The following AK8 variants were observed in gnomAD, a reference collection of about 807,000 sequenced individuals.
AK8 encodes the protein adenylate kinase 8, also known as ATP-AMP transphosphorylase 8.
AK8 carries 44 observed loss-of-function variants against 54.6 expected under a neutral mutation model. That is an observed-to-expected ratio of 0.81 (90% confidence interval 0.63 to 1.04). The LOEUF is 1.04. Among genes scored for constraint, AK8 ranks in the 50% least tolerant of loss-of-function variants. AK8 has a pLI of 0.00. For synonymous variants in AK8, 239 were observed against 245.6 expected, an observed-to-expected ratio of 0.97 and a Z score of 0.25; for missense variants, 555 against 613.6, an observed-to-expected ratio of 0.90 and a Z score of 1.01.
At chr9:132,732,468 G>A (rs780665763) in intron 11 of AK8, among the ~76,000 whole-genome samples, 4 of 152,172 alleles carry the variant, frequency 2.6e-5, no homozygotes, top group African/African-American at 9.6e-5. Context: ...GGCTGGGCCT[G>A]AGGGAGGCCC....
At chr9:132,847,919 C>T (rs1352741538) in intron 5 of AK8, among the ~76,000 whole-genome samples, 2 of 151,802 alleles carry the variant, frequency 1.3e-5, no homozygotes, top group Admixed American at 6.6e-5. Context: ...TAAGATCAGC[C>T]TGGGCAACAT....
chr9:132,761,308 C>G (rs1430564092), intron 11 of AK8, among the ~76,000 whole-genome samples: 3 of 149,010 alleles, frequency 2.0e-5, no homozygotes, highest in Admixed American at 6.7e-5. Context: ...ACTCAGTCAC[C>G]CAGGCTGGAG....
At chr9:132,804,214 C>T (rs1407244077) in intron 10 of AK8, among the ~76,000 whole-genome samples, 2 of 152,204 alleles carry the variant, frequency 1.3e-5, no homozygotes, top group African/African-American at 2.4e-5. Context: ...AGCATCTGGG[C>T]CCTGGGATTG....
In AK8 at chr9:132,750,761, T is replaced by TAACGTCAGGCTGCATCC. The variant is rs1461669837; in HGVS notation, c.1122-23244_1122-23228dup. 2.0e-5 allele frequency among the ~76,000 whole-genome samples: 3 copies of TAACGTCAGGCTGCATCC among 152,076 alleles called. No homozygotes were observed. In the East Asian group the frequency reaches 5.8e-4, roughly 29 times the overall value. On this transcript the variant is annotated intron_variant, in intron 11 of 12. Coordinates refer to ENST00000298545, the MANE Select transcript of AK8 (RefSeq NM_152572.3). Reference sequence around the variant, plus strand: ...CTCCCTCCCCTCCCAAATCTGCACCTAACGTCAGGCTGCATCCAGAGATAC... The same window carrying TAACGTCAGGCTGCATCC: ...CTCCCTCCCCTCCCAAATCTGCACCTAACGTCAGGCTGCATCCAACGTCAGGCTGCATCCAGAGATAC...
In AK8 at chr9:132,770,140, G is replaced by C. The variant is rs1453150071; in HGVS notation, c.1121+22494C>G. The C allele has an allele frequency of 1.3e-5, 2 of 152,256 alleles. No individual in the cohort carries two copies. Among genetic ancestry groups the C allele is most frequent in the African/African-American group, 4.8e-5 (2 of 41,448 alleles). The allele number at this position is 152,256 out of a possible 1,614,324, so 9.4% of individuals were successfully genotyped here. On this transcript the variant is annotated intron_variant, in intron 11 of 12. Transcript: ENST00000298545. This position sits in a 1 kb window ranked among gnomAD's most constrained non-coding sequence, Gnocchi z 4.3. ...ACTGTCCCCACCCATCGTGGGGACC[G>C]GGCTAGGGAGGGAAACGGAACCAGG...
At chr9:132,805,980 C>A (rs578087394) in intron 10 of AK8, among the ~76,000 whole-genome samples, 56 of 152,032 alleles carry the variant, frequency 3.7e-4, no homozygotes, top group Non-Finnish European at 6.6e-4. Context: ...GGCCACCCTA[C>A]AGCGGGGGCT....
intron 11 of AK8, among the ~76,000 whole-genome samples, chr9:132,773,573 A>G (rs1839074168): frequency 6.6e-6 from 1 of 152,210 alleles, no homozygotes; most frequent in Non-Finnish European, 1.5e-5. Flanking sequence ...CCTGCATGCA[A>G]TCGATGTTCC....
intron 11 of AK8, among the ~76,000 whole-genome samples, chr9:132,731,012 G>A (rs1489651663): frequency 6.6e-6 from 1 of 152,160 alleles, no homozygotes; most frequent in Admixed American, 6.5e-5. Flanking sequence ...TCGCCTCCCT[G>A]TGGCTTGGCT....
intron 11 of AK8, among the ~76,000 whole-genome samples, chr9:132,735,789 C>T (rs1837075761): frequency 6.6e-6 from 1 of 152,234 alleles, no homozygotes; most frequent in South Asian, 2.1e-4. Flanking sequence ...TGATTCGCAA[C>T]AGCCAAAAGG....
chr9:132,798,833 G>A (rs532084429), intron 10 of AK8, among the ~76,000 whole-genome samples: 3 of 152,114 alleles, frequency 2.0e-5, no homozygotes, highest in Non-Finnish European at 2.9e-5. Flanking sequence ...GGGGATCCAT[G>A]GTGGCAAGTG....
chr9:132,863,873 G>A (rs1203389653), intron 3 of AK8, 95 bp from the exon 4 acceptor site: 1 of 983,872 alleles, frequency 1.0e-6, no homozygotes, highest in Non-Finnish European at 1.5e-6. Context: ...TCTCCTATGG[G>A]AAAAGGTTGG....
chr9:132,741,510 G>A (rs146594698), intron 11 of AK8, among the ~76,000 whole-genome samples: 24 of 152,272 alleles, frequency 1.6e-4, no homozygotes, highest in East Asian at 9.7e-4. Context: ...CATTTCCTCC[G>A]TGTCCTGAGG....
intron 11 of AK8, among the ~76,000 whole-genome samples, chr9:132,764,491 TG>T (rs1838634119): frequency 6.6e-6 from 1 of 152,140 alleles, no homozygotes; most frequent in South Asian, 2.1e-4. Context: ...ACATTACAAC[TG>T]GTACCACAGA....
At chr9:132,822,848 G>A (rs1012815302) in intron 9 of AK8, among the ~76,000 whole-genome samples, 1 of 152,128 alleles carries the variant, frequency 6.6e-6, no homozygotes, top group African/African-American at 2.4e-5. Context: ...TATTACGCAG[G>A]AGCCAAGGCT....
chr9:132,814,567 G>C, intron 10 of AK8, 71 bp downstream of exon 10: 1 of 1,455,848 alleles, frequency 6.9e-7, no homozygotes, highest in Non-Finnish European at 9.4e-7. Context: ...TGAATGTTCA[G>C]AGAGCCGCAC....
intron 1 of AK8, among the ~76,000 whole-genome samples, chr9:132,876,193 G>A (rs994205254): frequency 6.6e-6 from 1 of 152,106 alleles, no homozygotes; most frequent in Admixed American, 6.5e-5. Flanking sequence ...CCCTTCTCTG[G>A]GCCTCAGCTT....
intron 11 of AK8, among the ~76,000 whole-genome samples, chr9:132,736,261 A>G (rs780270627): frequency 2.1e-5 from 3 of 146,144 alleles, no homozygotes; most frequent in Non-Finnish European, 3.0e-5. Context: ...ATCTTGGCTC[A>G]CTGCAACCTC....
chr9:132,828,978 T>TTTAC (rs1841998009), intron 5 of AK8, among the ~76,000 whole-genome samples: 1 of 149,268 alleles, frequency 6.7e-6, no homozygotes. Flanking sequence ...TTTTTTGAGA[T>TTTAC]GGAGTTTCAC....
chr9:132,795,698 G>A (rs1564405235), intron 10 of AK8, among the ~76,000 whole-genome samples: 1 of 152,064 alleles, frequency 6.6e-6, no homozygotes, highest in South Asian at 2.1e-4. Context: ...GACTGCCAAG[G>A]CCCCCGGGCT....
Sources: gnomAD v4.1 joint callset for allele counts (sites outside exome capture counted in the v4.1 genomes callset) on GRCh38, gnomAD v4.1.1 for gene constraint, Gnocchi (gnomAD v3.1) non-coding constraint, MANE v1.5 for transcripts, NCBI Gene and HGNC (gene_info 2026-07-23, HGNC 2026-07-21) for gene names.